Variants in GAS7 observed in about 807,000 individuals in gnomAD.
GAS7 encodes growth arrest specific 7.
Under a neutral mutation model 71.1 loss-of-function variants are expected in GAS7, and 28 were observed. The observed-to-expected ratio is 0.39, with a 90% CI of 0.29 to 0.54. GAS7 has a LOEUF of 0.54. Ranked by LOEUF, GAS7 falls within the 20% of genes least tolerant of loss-of-function variation. GAS7 has a pLI of 0.62. For synonymous variants in GAS7, 258 were observed against 245.8 expected, an observed-to-expected ratio of 1.05 and a Z score of -0.46; for missense variants, 436 against 627.8, an observed-to-expected ratio of 0.69 and a Z score of 3.27.
At chr17:10,180,483 C>G (rs527287288) in intron 1 of GAS7, among the ~76,000 whole-genome samples, 26 of 152,256 alleles carry the variant, frequency 1.7e-4, no homozygotes, top group African/African-American at 6.3e-4. Context: ...CCAAGATGCC[C>G]ACAAATCGAG....
At chr17:10,015,565 A>C (rs2152197921) in intron 2 of GAS7, among the ~76,000 whole-genome samples, 1 of 152,316 alleles carries the variant, frequency 6.6e-6, no homozygotes, top group Non-Finnish European at 1.5e-5. Flanking sequence ...ATGAGTGGCT[A>C]TTCTCATAGA....
rs988972300 is a variant in GAS7, at chr17:9,911,079, G to C, written c.*6149C>G. On this transcript the variant is annotated 3_prime_UTR_variant, in exon 14 of 14. Transcript: ENST00000432992. This position sits in a 1 kb window ranked among gnomAD's most constrained non-coding sequence, Gnocchi z 4.0. The stretch of plus-strand genomic sequence containing the variant: ...TCATCTCCTTCCTAACGGAAGGGAA[G>C]GGATGCTAAGTTGGGGCCCCTGTCA... 1 of 233,144 alleles carries C rather than the reference G, an allele frequency of 4.3e-6. No homozygotes were observed. Among genetic ancestry groups the C allele is most frequent in the African/African-American group, 2.2e-5 (1 of 45,336 alleles). The allele number at this position is 233,144 out of a possible 1,614,324, so 14.4% of individuals were successfully genotyped here.
At chr17:10,190,223 A>G (rs1383341217) in intron 1 of GAS7, among the ~76,000 whole-genome samples, 2 of 152,146 alleles carry the variant, frequency 1.3e-5, no homozygotes, top group African/African-American at 2.4e-5. Flanking sequence ...TGGCCCACAC[A>G]GCCTAAAATG....
chr17:9,925,410 TCTC>T (rs2067962973), intron 11 of GAS7, 63 bp downstream of exon 11: 2 of 1,553,434 alleles, frequency 1.3e-6, no homozygotes, highest in Non-Finnish European at 1.8e-6. Context: ...AGTCACCTCA[TCTC>T]CTAGCCCCGT....
intron 1 of GAS7, among the ~76,000 whole-genome samples, chr17:10,043,063 T>C (rs9915728): frequency 6.6e-6 from 1 of 152,130 alleles, no homozygotes; most frequent in Non-Finnish European, 1.5e-5. Flanking sequence ...GGTGAGATCC[T>C]ACAGGCTGAC....
intron 7 of GAS7, among the ~76,000 whole-genome samples, chr17:9,942,262 A>AG (rs1388543125): frequency 1.3e-5 from 2 of 152,170 alleles, no homozygotes; most frequent in African/African-American, 4.8e-5. Context: ...TAAAAGAAAA[A>AG]AAAAAAAGAA....
chr17:10,059,614 G>A, intron 1 of GAS7: 2 of 802,984 alleles, frequency 2.5e-6, no homozygotes, highest in Non-Finnish European at 3.0e-6. Flanking sequence ...AGTGGCGGCT[G>A]CCTCGCACTC....
intron 1 of GAS7, among the ~76,000 whole-genome samples, chr17:10,115,592 C>T (rs192475623): frequency 2.0e-5 from 3 of 152,334 alleles, no homozygotes; most frequent in Non-Finnish European, 4.4e-5. Flanking sequence ...TGTCCATACA[C>T]TTGGGGGTCC....
chr17:10,011,836 C>T (rs1359863265), intron 2 of GAS7, among the ~76,000 whole-genome samples: 2 of 151,992 alleles, frequency 1.3e-5, no homozygotes, highest in South Asian at 2.1e-4. Context: ...ATTAGCCAGG[C>T]GTGGTGGCAC....
chr17:10,162,673 C>T (rs1224756023), intron 1 of GAS7, among the ~76,000 whole-genome samples: 1 of 152,124 alleles, frequency 6.6e-6, no homozygotes, highest in Non-Finnish European at 1.5e-5. Context: ...GAATCAATAA[C>T]TTGTCATAAA....
intron 1 of GAS7, among the ~76,000 whole-genome samples, chr17:10,093,538 G>C (rs1292687362): frequency 7.7e-6 from 1 of 129,260 alleles, no homozygotes; most frequent in African/African-American, 3.0e-5. Context: ...TGGCAACAGA[G>C]TGAGACTCCG....
intron 1 of GAS7, among the ~76,000 whole-genome samples, chr17:10,089,573 A>T (rs1040154674): frequency 6.6e-6 from 1 of 152,186 alleles, no homozygotes; most frequent in African/African-American, 2.4e-5. Context: ...TGTTTATTTT[A>T]ACCCCTAGTT....
At chr17:10,124,037 T>A (rs1402940695) in intron 1 of GAS7, among the ~76,000 whole-genome samples, 3 of 152,212 alleles carry the variant, frequency 2.0e-5, no homozygotes, top group African/African-American at 4.8e-5. Flanking sequence ...GACTCTGTCC[T>A]GGGGCACAGT....
At chr17:10,042,527 G>C (rs1451129392) in intron 1 of GAS7, among the ~76,000 whole-genome samples, 1 of 152,128 alleles carries the variant, frequency 6.6e-6, no homozygotes, top group Non-Finnish European at 1.5e-5. Flanking sequence ...TCCTGTGTGG[G>C]ATGCAGGCAG....
intron 1 of GAS7, among the ~76,000 whole-genome samples, chr17:10,135,436 G>C (rs1031353007): frequency 6.6e-6 from 1 of 152,176 alleles, no homozygotes; most frequent in Non-Finnish European, 1.5e-5. Context: ...TTGTCCCTCT[G>C]TCCATTGCTC....
At chr17:10,085,777 T>C (rs1302039888) in intron 1 of GAS7, among the ~76,000 whole-genome samples, 1 of 152,030 alleles carries the variant, frequency 6.6e-6, no homozygotes, top group Non-Finnish European at 1.5e-5. Flanking sequence ...TTGACACATT[T>C]TAATTTAGTC....
chr17:10,038,847 G>A (rs540060896), intron 1 of GAS7, among the ~76,000 whole-genome samples: 10 of 151,980 alleles, frequency 6.6e-5, no homozygotes, highest in South Asian at 4.2e-4. Context: ...CTACAGGTGC[G>A]CACCACCATG....
chr17:10,170,602 C>G (rs2074328963), intron 1 of GAS7, among the ~76,000 whole-genome samples: 1 of 152,212 alleles, frequency 6.6e-6, no homozygotes, highest in African/African-American at 2.4e-5. Context: ...TTTTCTAGAT[C>G]ACCATGCAGT....
At chr17:10,097,861 T>C (rs1166676044) in intron 1 of GAS7, among the ~76,000 whole-genome samples, 4 of 151,958 alleles carry the variant, frequency 2.6e-5, no homozygotes, top group African/African-American at 9.7e-5. Flanking sequence ...CTGGCCAACA[T>C]AGCGAAACCC....
Sources: allele counts gnomAD v4.1 joint callset (sites outside exome capture counted in the v4.1 genomes callset), GRCh38; gene constraint gnomAD v4.1.1; non-coding constraint Gnocchi (gnomAD v3.1); transcripts MANE v1.5; gene names NCBI Gene and HGNC (gene_info 2026-07-23, HGNC 2026-07-21).